WDR37: variants seen among roughly 807,000 people sequenced by gnomAD.
The protein encoded by WDR37 is WD repeat-containing protein 37.
In WDR37, 19 loss-of-function variants were observed where a neutral mutation model predicts 62.9. The ratio of observed to expected loss-of-function variants is 0.30; its 90% CI spans 0.21 to 0.44. WDR37 has a LOEUF of 0.44. Ranked by LOEUF, WDR37 falls within the 20% of genes least tolerant of loss-of-function variation. The probability of loss-of-function intolerance (pLI) is 1.00; values close to 1 mark genes in which losing one functional copy is unlikely to be tolerated. For synonymous variants in WDR37, 250 were observed against 260.9 expected (o/e 0.96, Z 0.40); for missense variants, 474 against 657.6 (o/e 0.72, Z 3.05).
At chr10:1,128,411 C>CAT (rs1336648961) in intron 13 of WDR37, among the ~76,000 whole-genome samples, 1 of 152,242 alleles carries the variant, frequency 6.6e-6, no homozygotes, top group Non-Finnish European at 1.5e-5. Flanking sequence ...TGCTCTGTCA[C>CAT]ATATTTTGCA....
intron 7 of WDR37, among the ~76,000 whole-genome samples, chr10:1,086,603 A>G (rs999621545): frequency 6.6e-6 from 1 of 152,204 alleles, no homozygotes; most frequent in African/African-American, 2.4e-5. Flanking sequence ...TTTATTTAAT[A>G]TTGTATATAA....
chr10:1,097,787 C>G (rs1006077620), intron 9 of WDR37, among the ~76,000 whole-genome samples: 5 of 152,232 alleles, frequency 3.3e-5, no homozygotes, highest in African/African-American at 1.2e-4. Context: ...CACCCTTTCC[C>G]TGTTGCCTCT....
chr10:1,077,368 C>CT (rs1280572992), intron 2 of WDR37, among the ~76,000 whole-genome samples: 1 of 152,122 alleles, frequency 6.6e-6, no homozygotes, highest in African/African-American at 2.4e-5. Context: ...ACATTTGGCT[C>CT]TTTTTTGTGA....
intron 6 of WDR37, 130 bp from the exon 7 acceptor site, chr10:1,086,156 G>A: frequency 2.9e-6 from 2 of 697,296 alleles, no homozygotes; most frequent in Non-Finnish European, 4.9e-6. Context: ...CAGAGTAATA[G>A]AATCAAAGGT....
In WDR37 at chr10:1,056,930, G is replaced by C. The variant is rs913007895; in HGVS notation, c.-79G>C. 1.3e-5 allele frequency: 2 copies of C among 152,624 alleles called. No individual in the cohort carries two copies. The highest frequency in any genetic ancestry group is 1.3e-4 in the Admixed American group (2 of 15,286). The allele number at this position is 152,624 out of a possible 1,614,324, so 9.5% of individuals were successfully genotyped here. On this transcript the variant is annotated 5_prime_UTR_variant, in exon 1 of 14. Transcript: ENST00000263150. ...GGACTCACTGGCGGTGCGCGACCTG[G>C]GCTGGCTCCGGGGGTGGCGGGCGCA...
At chr10:1,119,201 G>A (rs1487910277) in intron 11 of WDR37, among the ~76,000 whole-genome samples, 6 of 152,186 alleles carry the variant, frequency 3.9e-5, no homozygotes, top group East Asian at 3.8e-4. Flanking sequence ...TAGCCTTGAC[G>A]TTCTAGGATG....
At position 1,072,246 on chromosome 10, in the gene WDR37, T is replaced by A. The variant is rs762124997; in HGVS notation, c.91T>A (p.Ser31Thr). 2 of 1,614,110 alleles carry A rather than the reference T, an allele frequency of 1.2e-6. No individual in the cohort carries two copies. Among genetic ancestry groups the A allele is most frequent in the Non-Finnish European group, 1.7e-6 (2 of 1,180,028 alleles). The change falls in exon 2 of 14, where the codon TCG becomes ACG. Residue 31 changes from serine (S) to threonine (T), a missense_variant. Ser to Thr is a moderately conservative substitution (Grantham distance 58, BLOSUM62 1). Transcript: ENST00000263150. ...HSLSIRRTNS[S>T]EQERTGLPRD... ...CCTTTCTATACGAAGAACTAACAGC[T>A]CGGAGCAGGAGAGGACGGGACTGCC...
chr10:1,130,416 G>A lies in WDR37; in HGVS notation c.*1072G>A, dbSNP rs1056609131. 1 of 152,664 alleles carries A rather than the reference G, an allele frequency of 6.6e-6. No individual in the cohort carries two copies. Among genetic ancestry groups the A allele is most frequent in the Admixed American group, 6.5e-5 (1 of 15,290 alleles). The allele number at this position is 152,664 out of a possible 1,614,324, so 9.5% of individuals were successfully genotyped here. A position where few individuals can be genotyped will look rare whatever the true frequency, so the allele number is the denominator to read the frequency against. ...TCTCCACTTAGGCGCACAAGCTGAC[G>A]GCTGCAGCCAGCAGGCCCCGGTGAC... On this transcript the variant is annotated 3_prime_UTR_variant, in exon 14 of 14. Coordinates refer to ENST00000263150, the MANE Select transcript of WDR37 (RefSeq NM_014023.4).
At chr10:1,101,740 A>T (rs917607386) in intron 9 of WDR37, among the ~76,000 whole-genome samples, 3 of 152,106 alleles carry the variant, frequency 2.0e-5, no homozygotes, top group Non-Finnish European at 4.4e-5. Context: ...TGTTCCGCAC[A>T]TGGCGGGAAT....
intron 9 of WDR37, 130 bp downstream of exon 9, chr10:1,096,376 G>T: frequency 1.0e-6 from 1 of 968,808 alleles, no homozygotes; most frequent in South Asian, 1.4e-5. Context: ...CCTCACCCCC[G>T]GTATGGTTGA....
Position 1,062,185 on chromosome 10 carries a change from G to A in WDR37, c.-41+5217G>A, listed in dbSNP as rs576357904. Among the ~76,000 whole-genome samples the A allele has an allele frequency of 4.6e-5, 7 of 152,306 alleles. No individual in the cohort carries two copies. In the East Asian group the frequency reaches 1.3e-3, roughly 29 times the overall value. On this transcript the variant is annotated intron_variant, in intron 1 of 13. Transcript: ENST00000263150. ...ATTTGGTGCCAAGTTCCAGGGAGGT[G>A]ATTGTAGGAAATGCATACATTTGGT...
intron 11 of WDR37, among the ~76,000 whole-genome samples, chr10:1,120,904 C>T (rs1432011280): frequency 6.6e-6 from 1 of 152,268 alleles, no homozygotes; most frequent in Non-Finnish European, 1.5e-5. Context: ...GCCAGCTTCG[C>T]GGCGTTTCCG....
intron 1 of WDR37, among the ~76,000 whole-genome samples, chr10:1,069,385 A>ATTTTTTTTTTTTTTTTTT (rs1564496938): frequency 1.4e-4 from 4 of 28,470 alleles, no homozygotes; most frequent in Non-Finnish European, 6.9e-5. Flanking sequence ...ATATATATAT[A>ATTTTTTTTTTTTTTTTTT]TATATTTTTT....
At position 1,126,382 on chromosome 10, in the gene WDR37, G is replaced by C. The variant is rs573220022; in HGVS notation, c.1353+1358G>C. Among the ~76,000 whole-genome samples, 10 of 149,872 alleles carry C rather than the reference G, an allele frequency of 6.7e-5. 1 individual carries two copies. Among genetic ancestry groups the C allele is most frequent in the Non-Finnish European group, 1.2e-4 (8 of 67,424 alleles). Reference sequence around the variant, plus strand: ...GATCGCGCCACTGCACTCCAGCCTGGGCGACAGAGCGAGACTGTGTCTCAG... The same window carrying C: ...GATCGCGCCACTGCACTCCAGCCTGCGCGACAGAGCGAGACTGTGTCTCAG... On this transcript the variant is annotated intron_variant, in intron 13 of 13. Coordinates refer to ENST00000263150, the MANE Select transcript of WDR37 (RefSeq NM_014023.4).
intron 9 of WDR37, among the ~76,000 whole-genome samples, chr10:1,102,275 G>A (rs987374887): frequency 2.1e-5 from 3 of 146,256 alleles, no homozygotes; most frequent in Admixed American, 6.8e-5. Flanking sequence ...GTGCGTTCCC[G>A]TGCCGCTGTG....
At chr10:1,126,513 G>A (rs2131698207) in intron 13 of WDR37, among the ~76,000 whole-genome samples, 1 of 152,278 alleles carries the variant, frequency 6.6e-6, no homozygotes, top group South Asian at 2.1e-4. Context: ...TTTTGATTTT[G>A]TTGGAGTACT....
intron 11 of WDR37, among the ~76,000 whole-genome samples, chr10:1,115,505 A>T: frequency 6.6e-6 from 1 of 152,304 alleles, no homozygotes. Context: ...AGCTTGTGTC[A>T]TGGTGTTAAC....
At chr10:1,073,715 C>A (rs1235466043) in intron 2 of WDR37, among the ~76,000 whole-genome samples, 1 of 152,190 alleles carries the variant, frequency 6.6e-6, no homozygotes, top group African/African-American at 2.4e-5. Flanking sequence ...GTGAGCAGGG[C>A]TAGTTCCTCC....
intron 8 of WDR37, among the ~76,000 whole-genome samples, chr10:1,095,748 T>TCATTGAAA (rs1173163755): frequency 6.6e-6 from 1 of 152,230 alleles, no homozygotes; most frequent in Non-Finnish European, 1.5e-5. Flanking sequence ...GATAGGTGCC[T>TCATTGAAA]GGCCCATTGA....
Sources: allele counts gnomAD v4.1 joint callset (sites outside exome capture counted in the v4.1 genomes callset), GRCh38; gene constraint gnomAD v4.1.1; transcripts MANE v1.5; gene names NCBI Gene and HGNC (gene_info 2026-07-23, HGNC 2026-07-21).